PCDHGB3: variants seen among roughly 807,000 people sequenced by gnomAD.
The protein encoded by PCDHGB3 is protocadherin gamma-B3.
PCDHGB3 carries 40 observed loss-of-function variants against 59.2 expected under a neutral mutation model. That is an observed-to-expected ratio of 0.68 (90% CI 0.52 to 0.88). The LOEUF (loss-of-function observed/expected upper bound fraction) is 0.88, where lower values mean the gene tolerates loss of function less well. PCDHGB3 is among the 40% of genes least tolerant of loss of function. The pLI is 0.00. For synonymous variants in PCDHGB3, 581 were observed against 503.6 expected, an observed-to-expected ratio of 1.15 and a Z score of -2.06; for missense variants, 1,309 against 1,187.9, an observed-to-expected ratio of 1.10 and a Z score of -1.50.
At chr5:141,385,487 A>G in intron 1 of PCDHGB3, 1 of 1,416,436 alleles carries the variant, frequency 7.1e-7, no homozygotes, top group Admixed American at 3.0e-5. Flanking sequence ...TATAGAACAC[A>G]TAGGATATAG....
At chr5:141,504,594 C>T (rs2099839378) in intron 2 of PCDHGB3, among the ~76,000 whole-genome samples, 2 of 140,288 alleles carry the variant, frequency 1.4e-5, no homozygotes, top group South Asian at 4.4e-4. Context: ...GGATTCACAG[C>T]AAGAGGGAAC....
intron 1 of PCDHGB3, chr5:141,388,909 C>T: frequency 6.2e-7 from 1 of 1,613,902 alleles, no homozygotes. Flanking sequence ...AATGACAACG[C>T]CCCAGAAGTG....
intron 1 of PCDHGB3, chr5:141,416,834 C>T (rs966016844): frequency 4.6e-5 from 7 of 151,848 alleles, no homozygotes; most frequent in Non-Finnish European, 1.0e-4. Flanking sequence ...TTCTCAAGAC[C>T]CTTATAATTC....
intron 1 of PCDHGB3, chr5:141,378,091 TC>T (rs1774623141): frequency 6.6e-6 from 1 of 152,230 alleles, no homozygotes; most frequent in African/African-American, 2.4e-5. Flanking sequence ...TAACTTTTTT[TC>T]AAACTCTAAA....
In PCDHGB3 at chr5:141,511,580, G is replaced by A. The variant is rs1436011320; in HGVS notation, c.*407G>A. ...CTCTTTCCCGAGTAAGGTGGTTGGG[G>A]TGTTGAAGTACCAAGTAACCTACAA... On this transcript the variant is annotated 3_prime_UTR_variant, in exon 4 of 4. Coordinates refer to ENST00000576222, the MANE Select transcript of PCDHGB3 (RefSeq NM_018924.5). 2 of 282,206 alleles carry A rather than the reference G, an allele frequency of 7.1e-6. No individual in the cohort carries two copies. Among genetic ancestry groups the A allele is most frequent in the Admixed American group, 4.6e-5 (1 of 21,516 alleles). The allele number at this position is 282,206 out of a possible 1,614,324, so 17.5% of individuals were successfully genotyped here.
At chr5:141,503,478 C>T (rs1249372985) in intron 2 of PCDHGB3, among the ~76,000 whole-genome samples, 3 of 151,680 alleles carry the variant, frequency 2.0e-5, no homozygotes, top group East Asian at 1.9e-4. Context: ...GTGCACTTGT[C>T]GTCCCAGCTG....
intron 1 of PCDHGB3, chr5:141,478,773 T>C (rs975950601): frequency 1.3e-6 from 2 of 1,496,766 alleles, no homozygotes; most frequent in African/African-American, 2.8e-5. Context: ...GACTCATCTG[T>C]GGACCTAATT....
In PCDHGB3 at chr5:141,370,375, G is replaced by T; in HGVS notation, c.-20G>T. 2 of 1,527,984 alleles carry T rather than the reference G, an allele frequency of 1.3e-6. No individual in the cohort carries two copies. 94.7% of individuals were successfully genotyped at this position (1,527,984 alleles called of 1,614,324 possible). The stretch of plus-strand genomic sequence containing the variant: ...ATCTCCTCTCCTCGGATTTAGAAAG[G>T]CAAAGGCGCAGAGAGCGGGATGGGA... On this transcript the variant is annotated 5_prime_UTR_variant, in exon 1 of 4. Transcript: ENST00000576222.
chr5:141,504,988 C>T (rs886919738), intron 2 of PCDHGB3, among the ~76,000 whole-genome samples: 2 of 152,036 alleles, frequency 1.3e-5, no homozygotes, highest in African/African-American at 4.8e-5. Context: ...ATGGTGAAAC[C>T]CCGTCTGTAC....
chr5:141,400,734 G>A, intron 1 of PCDHGB3: 1 of 634,548 alleles, frequency 1.6e-6, no homozygotes, highest in Non-Finnish European at 2.7e-6. Flanking sequence ...AAAGTAGTGA[G>A]AGTTTGCTCT....
intron 1 of PCDHGB3, among the ~76,000 whole-genome samples, chr5:141,457,612 G>T (rs1011626121): frequency 1.8e-4 from 27 of 152,232 alleles, no homozygotes; most frequent in Non-Finnish European, 2.9e-4. Flanking sequence ...AATTATGAAT[G>T]AACTTTAATC....
rs770678698 is a variant in PCDHGB3 at position 141,384,022 on chromosome 5, G to A, written c.2415+11213G>A. On this transcript the variant is annotated intron_variant, in intron 1 of 3. Transcript: ENST00000576222. ...TGCTCTTTTCTACCTACAAGACAGA[G>A]ATTCTGGAAAGAATGGTGAGGTGAC... 3 of 1,613,562 alleles carry A rather than the reference G, an allele frequency of 1.9e-6. No individual in the cohort carries two copies. The highest frequency in any genetic ancestry group is 2.5e-6 in the Non-Finnish European group (3 of 1,179,762).
intron 1 of PCDHGB3, chr5:141,422,204 GAGGTCTCTTTACCA>G: frequency 6.4e-7 from 1 of 1,562,138 alleles, no homozygotes. Flanking sequence ...CAAGATGGTG[GAGGTCTCTTTACCA>G]CCACGACGAT....
In PCDHGB3 at chr5:141,489,523, C is replaced by CT. The variant is rs1379784656; in HGVS notation, c.2416-5283dup. On this transcript the variant is annotated intron_variant, in intron 1 of 3. Coordinates refer to ENST00000576222, the MANE Select transcript of PCDHGB3 (RefSeq NM_018924.5). The surrounding 1 kb of genome is among the most constrained non-coding windows in gnomAD (Gnocchi z 4.5). ...GAATCAAAAGATTGACCGAGAAAGC[C>CT]TATGTGGAGCCAGCACCAGCTGCCT... 1 of 1,614,006 alleles carries CT rather than the reference C, an allele frequency of 6.2e-7. No homozygotes were observed. Among genetic ancestry groups the CT allele is most frequent in the Non-Finnish European group, 8.5e-7 (1 of 1,180,044 alleles).
chr5:141,400,081 G>A lies in PCDHGB3; in HGVS notation c.2415+27272G>A, dbSNP rs763547099. 3.7e-6 allele frequency: 6 copies of A among 1,613,902 alleles called. No homozygotes were observed. The highest frequency in any genetic ancestry group is 3.3e-5 in the Admixed American group (2 of 60,010). On this transcript the variant is annotated intron_variant, in intron 1 of 3. Transcript: ENST00000576222. ...TGATGGTGGACAGCCGCCACTCTCC[G>A]CCACCGCCACGCTGCACTTGGTCTT...
rs74792071 is a variant in PCDHGB3 at position 141,437,248 on chromosome 5, T to C, written c.2416-57559T>C. 4.6e-3 allele frequency among the ~76,000 whole-genome samples: 704 copies of C among 152,360 alleles called. 4 individuals carry two copies. The highest frequency in any genetic ancestry group is 0.015 in the African/African-American group (641 of 41,594). On this transcript the variant is annotated intron_variant, in intron 1 of 3. Transcript: ENST00000576222. ...CATAAAATTATGTCAAGGACTTTCC[T>C]TGTCTTTTTATGTGTATGACAGATG... is the stretch of plus-strand genomic sequence containing the variant.
At chr5:141,411,982 A>T (rs2154543855) in intron 1 of PCDHGB3, 1 of 152,346 alleles carries the variant, frequency 6.6e-6, no homozygotes, top group East Asian at 1.9e-4. Context: ...AGAGTTCTAT[A>T]CTTGGAAGGC....
chr5:141,423,755 G>GGGA, intron 1 of PCDHGB3: 3 of 512,508 alleles, frequency 5.9e-6, no homozygotes, highest in Non-Finnish European at 7.8e-6. Flanking sequence ...CTGTTTGGGG[G>GGGA]GGGGGTGGGG....
chr5:141,400,164 C>G (rs1307583379), intron 1 of PCDHGB3: 1 of 1,614,086 alleles, frequency 6.2e-7, no homozygotes, highest in Admixed American at 1.7e-5. Context: ...TACCCTCTGA[C>G]CCCCAGGCTG....
Sources: gnomAD v4.1 joint callset for allele counts (sites outside exome capture counted in the v4.1 genomes callset) on GRCh38, gnomAD v4.1.1 for gene constraint, Gnocchi (gnomAD v3.1) non-coding constraint, MANE v1.5 for transcripts, NCBI Gene and HGNC (gene_info 2026-07-23, HGNC 2026-07-21) for gene names.